Variants in EP400 observed in about 807,000 individuals in gnomAD.
EP400 encodes E1A binding protein p400.
A neutral mutation model predicts 354.1 loss-of-function variants in EP400; 105 were observed. The observed-to-expected ratio is 0.30, with a 90% CI of 0.25 to 0.35. The LOEUF is 0.35. EP400 is among the 10% of genes least tolerant of loss of function. The pLI, the probability that EP400 is intolerant of heterozygous loss-of-function variation, is 1.00. For missense variants in EP400, 3,280 were observed against 4,121.0 expected (o/e 0.80, Z 5.59); for synonymous variants, 1,646 against 1,716.9 (o/e 0.96, Z 1.02).
chr12:132,000,240 T>A (rs1000068485), intron 12 of EP400, among the ~76,000 whole-genome samples: 45 of 152,106 alleles, frequency 3.0e-4, no homozygotes, highest in African/African-American at 1.1e-3. Context: ...CATGAGTTAT[T>A]TAGAAGGATG....
In EP400 at chr12:132,021,114, G is replaced by A. The variant is rs371611758; in HGVS notation, c.4483G>A (p.Ala1495Thr). 11 of 1,599,804 alleles carry A rather than the reference G, an allele frequency of 6.9e-6. No individual in the cohort carries two copies. Among genetic ancestry groups the A allele is most frequent in the African/African-American group, 1.3e-5 (1 of 74,830 alleles). ...AAPFQTSQAS[A>T]SAPRHQPASA... is the part of the protein sequence containing the mutation. ...CCCGTTTCAGACCTCTCAGGCTTCC[G>A]CCAGTGCTCCACGACACCAGCCCGC... The change falls in exon 23 of 53, where the codon GCC becomes ACC. Residue 1495 changes from alanine to threonine, a missense_variant. Around this residue, in one of 20 missense-constraint regions of EP400, gnomAD observed 342 missense variants for 342.7 expected, o/e 1.00. Coordinates refer to ENST00000389561, the MANE Select transcript of EP400 (RefSeq NM_015409.5).
intron 45 of EP400, among the ~76,000 whole-genome samples, chr12:132,061,859 T>A (rs979979744): frequency 3.3e-5 from 5 of 152,246 alleles, no homozygotes; most frequent in African/African-American, 1.2e-4. Context: ...CTTTCCAGCA[T>A]GTGCACGGGC....
At chr12:132,000,566 T>C (rs891244804) in intron 12 of EP400, among the ~76,000 whole-genome samples, 5 of 152,260 alleles carry the variant, frequency 3.3e-5, no homozygotes, top group African/African-American at 7.2e-5. Flanking sequence ...AAATGTTCCA[T>C]TATGATAATG....
intron 48 of EP400, chr12:132,065,249 C>CATGGG (rs1895851722): frequency 1.0e-5 from 3 of 291,826 alleles, no homozygotes; most frequent in East Asian, 1.3e-4. Flanking sequence ...AAGCCGTAGG[C>CATGGG]ATGGGCAGGT....
chr12:131,993,618 G>A (rs770498245), intron 11 of EP400, among the ~76,000 whole-genome samples: 16 of 152,200 alleles, frequency 1.1e-4, no homozygotes, highest in Non-Finnish European at 2.1e-4. Flanking sequence ...TGAGAGATGC[G>A]TTGCTGGACA....
At chr12:132,012,181 G>C (rs929392314) in intron 16 of EP400, among the ~76,000 whole-genome samples, 20 of 152,220 alleles carry the variant, frequency 1.3e-4, no homozygotes, top group African/African-American at 3.9e-4. Context: ...TCATTGTGTT[G>C]AGTAGTGTTT....
At chr12:132,030,183 T>A (rs1489123283) in intron 29 of EP400, 25 bp downstream of exon 29, 5 of 1,612,990 alleles carry the variant, frequency 3.1e-6, no homozygotes, top group Non-Finnish European at 8.5e-7. Context: ...GTTTACATTG[T>A]CTCTGATGGG....
chr12:132,003,963 A>T (rs996507248), intron 12 of EP400, among the ~76,000 whole-genome samples: 1 of 152,232 alleles, frequency 6.6e-6, no homozygotes. Context: ...TAAAATACAG[A>T]TGCAAACAAG....
At chr12:131,984,506 A>C (rs1892788534) in intron 5 of EP400, among the ~76,000 whole-genome samples, 1 of 152,190 alleles carries the variant, frequency 6.6e-6, no homozygotes, top group Non-Finnish European at 1.5e-5. Flanking sequence ...GAAAGGCGAC[A>C]CATGCCAGGG....
chr12:132,077,919 A>C lies in EP400; in HGVS notation c.*246A>C. 1.9e-6 allele frequency: 1 copy of C among 538,454 alleles called. No homozygotes were observed. The highest frequency in any genetic ancestry group is 2.5e-5 in the South Asian group (1 of 39,956). The allele number at this position is 538,454 out of a possible 1,614,324, so 33.4% of individuals were successfully genotyped here. On this transcript the variant is annotated 3_prime_UTR_variant, in exon 53 of 53. Transcript: ENST00000389561. ...AAAGTGACAACATGGCTTCCTCTAA[A>C]TCATTTCACCTTTCAGTCCCCACCC... is the stretch of plus-strand genomic sequence containing the variant.
chr12:131,984,538 T>C (rs1000679337), intron 5 of EP400, among the ~76,000 whole-genome samples: 1 of 152,146 alleles, frequency 6.6e-6, no homozygotes, highest in African/African-American at 2.4e-5. Flanking sequence ...TTCTAGGCCT[T>C]ACATTGCTTG....
intron 3 of EP400, 113 bp from the exon 4 acceptor site, chr12:131,981,376 A>T: frequency 1.4e-6 from 1 of 739,128 alleles, no homozygotes; most frequent in South Asian, 1.9e-5. Flanking sequence ...ATTTTAGTTC[A>T]TGTATAGAAA....
chr12:131,987,912 T>C, intron 7 of EP400, 22 bp downstream of exon 7: 1 of 1,576,130 alleles, frequency 6.3e-7, no homozygotes, highest in Non-Finnish European at 8.6e-7. Flanking sequence ...TGCGTGGAGC[T>C]GCTGTGCTGT....
Position 131,986,685 on chromosome 12 carries a change from C to G in EP400, c.2101C>G (p.Pro701Ala), listed in dbSNP as rs377609215. 41 of 1,614,084 alleles carry G rather than the reference C, an allele frequency of 2.5e-5. No homozygotes were observed. The highest frequency in any genetic ancestry group is 2.0e-4 in the East Asian group (9 of 44,896). ...CTCAGCCACCAATAAGGCACTATCT[C>G]CAGTCACTTCCCGGACCCCAGGGGT... ...PSSATNKALS[P>A]VTSRTPGVVA... The change falls in exon 6 of 53, where the codon CCA becomes GCA. Residue 701 changes from proline to alanine, a missense_variant. Pro to Ala is a conservative substitution (Grantham distance 27). Coordinates refer to ENST00000389561, the MANE Select transcript of EP400 (RefSeq NM_015409.5).
intron 15 of EP400, among the ~76,000 whole-genome samples, chr12:132,007,596 G>T (rs967674804): frequency 3.9e-5 from 6 of 152,240 alleles, no homozygotes; most frequent in African/African-American, 1.4e-4. Context: ...AGAGGAAGGT[G>T]TGACTTGTGT....
chr12:131,981,442 G>T, intron 3 of EP400, 47 bp from the exon 4 acceptor site: 1 of 1,447,180 alleles, frequency 6.9e-7, no homozygotes, highest in South Asian at 1.2e-5. Context: ...CTACTTCTCT[G>T]GTTTTATTTT....
At chr12:131,979,635 G>A (rs1220610458) in intron 2 of EP400, 59 bp from the exon 3 acceptor site, 2 of 1,471,134 alleles carry the variant, frequency 1.4e-6, no homozygotes, top group Non-Finnish European at 1.8e-6. Context: ...GATAATTTGA[G>A]TTTATTCTTG....
At position 131,970,838 on chromosome 12, in the gene EP400, CTTGTT is replaced by C. The variant is rs377183625; in HGVS notation, c.1336-8844_1336-8840del. Among the ~76,000 whole-genome samples the C allele has an allele frequency of 1.9e-3, 293 of 152,196 alleles. 1 individual carries two copies. The highest frequency in any genetic ancestry group is 3.3e-3 in the Non-Finnish European group (223 of 67,994). ...GCAATCAAATTAATTAACAGTTACC[CTTGTT>C]TTGTTTTGTTTGGTGAGAATGGCTA... On this transcript the variant is annotated intron_variant, in intron 2 of 52. Coordinates refer to ENST00000389561, the MANE Select transcript of EP400 (RefSeq NM_015409.5).
At chr12:132,006,403 T>C in intron 14 of EP400, 101 bp downstream of exon 14, 1 of 1,353,672 alleles carries the variant, frequency 7.4e-7, no homozygotes, top group Non-Finnish European at 9.9e-7. Flanking sequence ...AAATGGTCTA[T>C]CCCAACTGCA....
Sources: gnomAD v4.1 joint callset for allele counts (sites outside exome capture counted in the v4.1 genomes callset) on GRCh38, gnomAD v4.1.1 for gene constraint, gnomAD v4.1.1 regional missense constraint, MANE v1.5 for transcripts, NCBI Gene and HGNC (gene_info 2026-07-23, HGNC 2026-07-21) for gene names.